The following MEP1A variants were observed in gnomAD, a reference collection of about 807,000 sequenced individuals.
MEP1A encodes the protein meprin A subunit alpha.
In MEP1A, 68 loss-of-function variants were observed where a neutral mutation model predicts 84.5. That is an observed-to-expected ratio of 0.80 (90% CI 0.66 to 0.98). MEP1A has a LOEUF of 0.98. Ranked by LOEUF, MEP1A falls within the 50% of genes least tolerant of loss-of-function variation. MEP1A has a pLI of 0.00. For missense variants in MEP1A, 887 were observed against 919.9 expected (o/e 0.96, Z 0.46); for synonymous variants, 337 against 336.8 (o/e 1.00, Z -0.01).
At chr6:46,800,107 T>C (rs990523584) in intron 5 of MEP1A, among the ~76,000 whole-genome samples, 2 of 152,228 alleles carry the variant, frequency 1.3e-5, no homozygotes, top group Non-Finnish European at 2.9e-5. Context: ...TGAGTTGTTT[T>C]CTCCAGTGTT....
intron 9 of MEP1A, among the ~76,000 whole-genome samples, 176 bp from the exon 10 acceptor site, chr6:46,829,180 T>A (rs997371705): frequency 1.3e-5 from 2 of 152,232 alleles, no homozygotes; most frequent in African/African-American, 2.4e-5. Context: ...AGTGACTAAG[T>A]CCATTGAGAC....
At chr6:46,819,417 T>G in intron 6 of MEP1A, 112 bp from the exon 7 acceptor site, 2 of 846,772 alleles carry the variant, frequency 2.4e-6, no homozygotes, top group Non-Finnish European at 3.6e-6. Context: ...CTGTTGGTAA[T>G]TTCTTTCTAA....
At chr6:46,806,784 A>C (rs767530423) in intron 5 of MEP1A, among the ~76,000 whole-genome samples, 6 of 151,892 alleles carry the variant, frequency 4.0e-5, no homozygotes, top group Non-Finnish European at 8.8e-5. Context: ...TCAGCCCCAA[A>C]CTTGTCCTTG....
chr6:46,825,597 T>A, intron 8 of MEP1A, 104 bp downstream of exon 8: 1 of 784,636 alleles, frequency 1.3e-6, no homozygotes, highest in Non-Finnish European at 2.0e-6. Context: ...TTTAATGTAC[T>A]AGCTAAAAGA....
intron 8 of MEP1A, among the ~76,000 whole-genome samples, chr6:46,826,106 G>A (rs191140916): frequency 9.9e-5 from 15 of 152,196 alleles, no homozygotes; most frequent in African/African-American, 3.1e-4. Flanking sequence ...GTTTATGGTT[G>A]GTATTTACAT....
chr6:46,819,056 T>C (rs1473769453), intron 6 of MEP1A, among the ~76,000 whole-genome samples: 1 of 152,192 alleles, frequency 6.6e-6, no homozygotes, highest in Non-Finnish European at 1.5e-5. Context: ...AGGCTGAGGC[T>C]GCTGTGAGCT....
chr6:46,834,626 A>G lies in MEP1A; in HGVS notation c.1658A>G (p.Tyr553Cys), dbSNP rs1230447551. The G allele has an allele frequency of 6.8e-6, 11 of 1,611,444 alleles. No homozygotes were observed. The highest frequency in any genetic ancestry group is 1.1e-5 in the South Asian group (1 of 90,974). The change falls in exon 12 of 14, where the codon TAT becomes TGT. Residue 553 changes from tyrosine (Y) to cysteine (C), a missense_variant. Tyr to Cys is a radical substitution (Grantham distance 194). Coordinates refer to ENST00000230588, the MANE Select transcript of MEP1A (RefSeq NM_005588.3). ...IWDRPSRVGT[Y>C]HTDCNCFRSI... ...GACAGGCCGTCCAGGGTGGGAACCT[A>G]TCATACGGACTGTAATTGTTTTAGA...
Position 46,839,059 on chromosome 6 carries a change from G to T in MEP1A, c.2164G>T (p.Val722Leu). The T allele has an allele frequency of 6.2e-7, 1 of 1,613,880 alleles. No homozygotes were observed. The highest frequency in any genetic ancestry group is 2.2e-5 in the East Asian group (1 of 44,870). Residue 722 changes from valine (V) to leucine (L), a missense_variant, in exon 14 of 14, where the codon GTG becomes TTG. Transcript: ENST00000230588. ...VQVHGSVLGM[V>L]IGGTAGVIFL... The stretch of plus-strand genomic sequence containing the variant: ...GGTGCACGGCAGTGTCCTGGGCATG[G>T]TGATCGGAGGCACGGCTGGCGTGAT...
At chr6:46,796,724 G>GC in intron 3 of MEP1A, among the ~76,000 whole-genome samples, 1 of 152,138 alleles carries the variant, frequency 6.6e-6, no homozygotes, top group East Asian at 1.9e-4. Context: ...GGTTCTCCCT[G>GC]CCCCCCATGA....
chr6:46,839,148 G>A lies in MEP1A; in HGVS notation c.*12G>A, dbSNP rs367917890. 3.8e-5 allele frequency: 61 copies of A among 1,609,662 alleles called. No individual in the cohort carries two copies. Among genetic ancestry groups the A allele is most frequent in the Non-Finnish European group, 4.2e-5 (50 of 1,178,356 alleles). On this transcript the variant is annotated 3_prime_UTR_variant, in exon 14 of 14. Coordinates refer to ENST00000230588, the MANE Select transcript of MEP1A (RefSeq NM_005588.3). ...GGCCAAGGAAGTGACCTGCCTGCTG[G>A]CATTGGCCAGACCACAGCAGCACCT...
intron 3 of MEP1A, among the ~76,000 whole-genome samples, chr6:46,795,919 G>A (rs1767041314): frequency 6.6e-6 from 1 of 152,116 alleles, no homozygotes; most frequent in South Asian, 2.1e-4. Context: ...TCTTAGAAAT[G>A]CAGCATTTGA....
At chr6:46,804,146 G>A (rs1329997481) in intron 5 of MEP1A, among the ~76,000 whole-genome samples, 1 of 151,476 alleles carries the variant, frequency 6.6e-6, no homozygotes, top group African/African-American at 2.4e-5. Flanking sequence ...TTCTTCTCTA[G>A]TATCATTTCT....
intron 9 of MEP1A, among the ~76,000 whole-genome samples, chr6:46,828,672 G>A (rs780940747): frequency 3.9e-5 from 6 of 152,160 alleles, no homozygotes; most frequent in Non-Finnish European, 7.4e-5. Flanking sequence ...CTGCTTGACT[G>A]TTTTTAGGGG....
chr6:46,802,073 A>G (rs749662669), intron 5 of MEP1A, among the ~76,000 whole-genome samples: 3 of 151,772 alleles, frequency 2.0e-5, no homozygotes, highest in Non-Finnish European at 4.4e-5. Flanking sequence ...CCTACTCCAG[A>G]CCTTTTGCAT....
Position 46,829,360 on chromosome 6 carries a change from C to G in MEP1A, c.933C>G (p.Ala311=). ...DHTLLGQCTG[A]GYFMQFSTSS... ...GTTTGGCTGCTCTTTCCATAGGTGC[C>G]GGCTACTTCATGCAGTTCAGCACCA... The change falls in exon 10 of 14, where the codon GCC becomes GCG. Residue 311 remains alanine, a synonymous_variant. Transcript: ENST00000230588. The G allele has an allele frequency of 6.2e-7, 1 of 1,612,922 alleles. No individual in the cohort carries two copies. The highest frequency in any genetic ancestry group is 8.5e-7 in the Non-Finnish European group (1 of 1,179,924).
intron 7 of MEP1A, among the ~76,000 whole-genome samples, chr6:46,820,921 T>C (rs181134420): frequency 1.3e-5 from 2 of 152,364 alleles, no homozygotes; most frequent in African/African-American, 4.8e-5. Context: ...GTTTCCGGCA[T>C]GGCTTTTATA....
At chr6:46,802,371 A>G (rs1767214248) in intron 5 of MEP1A, among the ~76,000 whole-genome samples, 2 of 151,766 alleles carry the variant, frequency 1.3e-5, no homozygotes, top group African/African-American at 2.4e-5. Context: ...TTTACTACAT[A>G]ATGTTTTCTG....
At chr6:46,801,467 G>T (rs572470538) in intron 5 of MEP1A, among the ~76,000 whole-genome samples, 292 of 151,906 alleles carry the variant, frequency 1.9e-3, no homozygotes, top group African/African-American at 6.7e-3. Flanking sequence ...AAATTATATT[G>T]TTTGTCTTTT....
At chr6:46,838,575 C>G (rs896312038) in intron 13 of MEP1A, among the ~76,000 whole-genome samples, 1 of 152,166 alleles carries the variant, frequency 6.6e-6, no homozygotes, top group Non-Finnish European at 1.5e-5. Context: ...TGGGGAATTT[C>G]CTTTGTAGCT....
Sources: allele counts gnomAD v4.1 joint callset (sites outside exome capture counted in the v4.1 genomes callset), GRCh38; gene constraint gnomAD v4.1.1; transcripts MANE v1.5; gene names NCBI Gene and HGNC (gene_info 2026-07-23, HGNC 2026-07-21).